Variants in PLXDC2 observed in about 807,000 individuals in gnomAD.
The protein encoded by PLXDC2 is plexin domain containing 2, also known as plexin domain-containing protein 2.
PLXDC2 carries 40 observed loss-of-function variants against 68.9 expected under a neutral mutation model. That is an observed-to-expected ratio of 0.58 (90% confidence interval 0.45 to 0.76). PLXDC2 has a LOEUF of 0.76. Ranked by LOEUF, PLXDC2 falls within the 30% of genes least tolerant of loss-of-function variation. The pLI is 0.00. For missense variants in PLXDC2, 644 were observed against 661.9 expected (o/e 0.97, Z 0.30); for synonymous variants, 243 against 234.2 (o/e 1.04, Z -0.34).
At chr10:20,165,390 C>A (rs1589661497) in intron 7 of PLXDC2, among the ~76,000 whole-genome samples, 2 of 152,094 alleles carry the variant, frequency 1.3e-5, no homozygotes, top group African/African-American at 4.8e-5. Flanking sequence ...AACTCGTCAT[C>A]TAGCATTAGG....
intron 1 of PLXDC2, among the ~76,000 whole-genome samples, chr10:19,888,944 C>G (rs1316730745): frequency 6.6e-6 from 1 of 152,048 alleles, no homozygotes; most frequent in Non-Finnish European, 1.5e-5. Context: ...AATTTCAACT[C>G]TTATGAACAT....
Position 20,281,814 on chromosome 10 carries a change from A to G in PLXDC2, c.*1995A>G, listed in dbSNP as rs1836085446. 1 of 152,136 alleles carries G rather than the reference A, an allele frequency of 6.6e-6. No individual in the cohort carries two copies. The highest frequency in any genetic ancestry group is 1.5e-5 in the Non-Finnish European group (1 of 68,012). The allele number at this position is 152,136 out of a possible 1,614,324, so 9.4% of individuals were successfully genotyped here. On this transcript the variant is annotated 3_prime_UTR_variant, in exon 14 of 14. Transcript: ENST00000377252. ...TGCCAATATTACTGGTGCAACTGGTATTCTACAAATGCATAAGGAACACAT... is the reference window on the plus strand; with the variant it reads ...TGCCAATATTACTGGTGCAACTGGTGTTCTACAAATGCATAAGGAACACAT...
At chr10:20,138,229 T>G (rs1833958338) in intron 4 of PLXDC2, among the ~76,000 whole-genome samples, 1 of 152,204 alleles carries the variant, frequency 6.6e-6, no homozygotes, top group South Asian at 2.1e-4. Flanking sequence ...TTACCTATTT[T>G]ACTTTAAAGT....
chr10:20,071,986 C>A (rs1418089596), intron 4 of PLXDC2, among the ~76,000 whole-genome samples: 1 of 152,036 alleles, frequency 6.6e-6, no homozygotes, highest in Non-Finnish European at 1.5e-5. Context: ...ATTAGTTTAT[C>A]CTGAAGAGAG....
chr10:19,819,620 G>A (rs1256800426), intron 1 of PLXDC2, among the ~76,000 whole-genome samples: 2 of 152,158 alleles, frequency 1.3e-5, no homozygotes, highest in Non-Finnish European at 2.9e-5. Context: ...TGCTGCAGTT[G>A]ATTTCATTGC....
intron 2 of PLXDC2, among the ~76,000 whole-genome samples, chr10:20,011,563 A>G (rs1182161767): frequency 6.6e-6 from 1 of 152,184 alleles, no homozygotes; most frequent in Non-Finnish European, 1.5e-5. Flanking sequence ...CTTCTCAGCT[A>G]TCTGTTTTCC....
At chr10:19,890,329 T>C (rs1837930645) in intron 1 of PLXDC2, among the ~76,000 whole-genome samples, 1 of 152,076 alleles carries the variant, frequency 6.6e-6, no homozygotes, top group Admixed American at 6.6e-5. Context: ...AGGTTTCGGG[T>C]ATGAATCATC....
At chr10:20,022,041 A>T (rs1474744398) in intron 2 of PLXDC2, among the ~76,000 whole-genome samples, 1 of 152,162 alleles carries the variant, frequency 6.6e-6, no homozygotes, top group South Asian at 2.1e-4. Flanking sequence ...TGAACTTTCA[A>T]TTGTACTCAG....
chr10:19,887,403 C>G (rs1219219934), intron 1 of PLXDC2, among the ~76,000 whole-genome samples: 1 of 152,084 alleles, frequency 6.6e-6, no homozygotes. Flanking sequence ...TGCCTGTAGT[C>G]TTCAGTTACT....
chr10:19,999,523 G>T (rs991963983), intron 1 of PLXDC2, among the ~76,000 whole-genome samples: 1 of 151,316 alleles, frequency 6.6e-6, no homozygotes, highest in East Asian at 2.0e-4. Context: ...AATGATGTTT[G>T]CTACCATTTC....
At chr10:19,965,594 A>C (rs1834233910) in intron 1 of PLXDC2, among the ~76,000 whole-genome samples, 1 of 152,082 alleles carries the variant, frequency 6.6e-6, no homozygotes, top group Non-Finnish European at 1.5e-5. Flanking sequence ...TGGAATAATA[A>C]AGCTGTGTTT....
chr10:19,837,043 A>G (rs969505777), intron 1 of PLXDC2, among the ~76,000 whole-genome samples: 2 of 152,178 alleles, frequency 1.3e-5, no homozygotes, highest in African/African-American at 2.4e-5. Flanking sequence ...AAGAAACTGT[A>G]AAGTCTTATA....
At chr10:20,219,462 G>A (rs1159531146) in intron 12 of PLXDC2, among the ~76,000 whole-genome samples, 1 of 152,138 alleles carries the variant, frequency 6.6e-6, no homozygotes, top group Non-Finnish European at 1.5e-5. Context: ...TCCTTGGTCA[G>A]CACCTTCTAT....
intron 4 of PLXDC2, among the ~76,000 whole-genome samples, chr10:20,090,791 C>A (rs1351801290): frequency 1.3e-5 from 2 of 152,072 alleles, no homozygotes; most frequent in East Asian, 3.9e-4. Context: ...ATAATTACCC[C>A]ACAAAATATA....
In PLXDC2 at chr10:20,217,596, CTTTT is replaced by C. The variant is rs66483508; in HGVS notation, c.1273+45_1273+48del. 0.066 allele frequency: 51,100 copies of C among 774,040 alleles called. 32 individuals are homozygous for C. The highest frequency in any genetic ancestry group is 0.087 in the Middle Eastern group (150 of 1,716). 47.9% of individuals were successfully genotyped at this position (774,040 alleles called of 1,614,324 possible). On this transcript the variant is annotated intron_variant, in intron 11 of 13. Coordinates refer to ENST00000377252, the MANE Select transcript of PLXDC2 (RefSeq NM_032812.9). ...CAGAAGGTACCCAAGAGATAGTTTGCTTTTTTTTTTTTTTTTTTTTTTTTTTTTC... is the reference window on the plus strand; with the variant it reads ...CAGAAGGTACCCAAGAGATAGTTTGCTTTTTTTTTTTTTTTTTTTTTTTTC...
intron 1 of PLXDC2, among the ~76,000 whole-genome samples, chr10:19,871,816 G>C (rs1328578489): frequency 6.6e-6 from 1 of 151,346 alleles, no homozygotes; most frequent in Non-Finnish European, 1.5e-5. Flanking sequence ...AACCCGGGAG[G>C]CGGAGGTTGC....
chr10:20,250,331 T>C (rs918695393), intron 13 of PLXDC2, among the ~76,000 whole-genome samples: 1 of 151,188 alleles, frequency 6.6e-6, no homozygotes, highest in Non-Finnish European at 1.5e-5. Flanking sequence ...TCAGAGCTCA[T>C]GCACCCAGTC....
chr10:20,084,375 C>G (rs973327967), intron 4 of PLXDC2, among the ~76,000 whole-genome samples: 2 of 152,126 alleles, frequency 1.3e-5, no homozygotes, highest in African/African-American at 2.4e-5. Flanking sequence ...TTGAGTAAGG[C>G]TCCAAAAAGC....
chr10:20,011,632 C>A (rs945888249), intron 2 of PLXDC2, among the ~76,000 whole-genome samples: 2 of 152,108 alleles, frequency 1.3e-5, no homozygotes, highest in Non-Finnish European at 2.9e-5. Flanking sequence ...CCATATCAAT[C>A]GATTAGGCCT....
Sources: allele counts gnomAD v4.1 joint callset (sites outside exome capture counted in the v4.1 genomes callset), GRCh38; gene constraint gnomAD v4.1.1; transcripts MANE v1.5; gene names NCBI Gene and HGNC (gene_info 2026-07-23, HGNC 2026-07-21).